Variants in EMCN observed in about 807,000 individuals in gnomAD.
The protein encoded by EMCN is MUC-14.
EMCN carries 37 observed loss-of-function variants against 38.4 expected under a neutral mutation model. The observed-to-expected ratio is 0.96, with a 90% CI of 0.74 to 1.27. The LOEUF is 1.27. EMCN is among the 50% of genes most tolerant of loss of function. The pLI is 0.00. For missense variants in EMCN, 318 were observed against 302.8 expected (o/e 1.05, Z -0.37); for synonymous variants, 95 against 100.8 (o/e 0.94, Z 0.35).
chr4:100,493,572 C>A (rs1193364753), intron 1 of EMCN, among the ~76,000 whole-genome samples: 1 of 152,152 alleles, frequency 6.6e-6, no homozygotes, highest in African/African-American at 2.4e-5. Flanking sequence ...ATTTACCCAT[C>A]TATGCTACTA....
chr4:100,453,258 T>A (rs1432095753), intron 4 of EMCN, among the ~76,000 whole-genome samples: 3 of 152,014 alleles, frequency 2.0e-5, no homozygotes, highest in African/African-American at 4.8e-5. Flanking sequence ...GAGAAAATTT[T>A]TGCAACCTAC....
At chr4:100,445,781 G>A (rs1727653376) in intron 5 of EMCN, among the ~76,000 whole-genome samples, 1 of 152,080 alleles carries the variant, frequency 6.6e-6, no homozygotes, top group African/African-American at 2.4e-5. Context: ...TTTGGGGGAT[G>A]GTGTTTCCTG....
chr4:100,422,818 T>TTTC (rs528645147), intron 7 of EMCN, among the ~76,000 whole-genome samples: 5 of 85,038 alleles, frequency 5.9e-5, no homozygotes, highest in Non-Finnish European at 7.0e-5. Flanking sequence ...TCTTTCTTTC[T>TTTC]TTTCTTTTTT....
At chr4:100,451,428 T>A (rs1309616921) in intron 4 of EMCN, among the ~76,000 whole-genome samples, 1 of 151,678 alleles carries the variant, frequency 6.6e-6, no homozygotes, top group African/African-American at 2.4e-5. Flanking sequence ...ATGGGACAAA[T>A]GAAAAATATA....
chr4:100,493,475 C>A (rs1354075593), intron 1 of EMCN, among the ~76,000 whole-genome samples: 1 of 152,100 alleles, frequency 6.6e-6, no homozygotes, highest in East Asian at 1.9e-4. Context: ...ATGCTCTAGA[C>A]CTTGGGCTAC....
chr4:100,404,039 T>C (rs529493007), intron 11 of EMCN, among the ~76,000 whole-genome samples: 2 of 152,296 alleles, frequency 1.3e-5, no homozygotes, highest in South Asian at 4.1e-4. Context: ...ACTCTGTTGA[T>C]AGTTTCTTAG....
intron 5 of EMCN, among the ~76,000 whole-genome samples, chr4:100,426,544 C>T (rs1727050519): frequency 6.6e-6 from 1 of 152,084 alleles, no homozygotes; most frequent in Non-Finnish European, 1.5e-5. Flanking sequence ...GCATTTTCCC[C>T]TAATAAAATC....
chr4:100,480,125 G>T (rs1560633663), intron 1 of EMCN, 86 bp from the exon 2 acceptor site: 3 of 1,190,470 alleles, frequency 2.5e-6, no homozygotes, highest in African/African-American at 3.2e-5. Context: ...GTACTGGTCA[G>T]TAGAATGTGA....
At chr4:100,431,453 A>G (rs1033366523) in intron 5 of EMCN, among the ~76,000 whole-genome samples, 11 of 152,082 alleles carry the variant, frequency 7.2e-5, no homozygotes, top group African/African-American at 2.7e-4. Flanking sequence ...CTCTCGTCCA[A>G]CCAGTTGAAA....
chr4:100,403,913 A>G (rs1726324871), intron 11 of EMCN, among the ~76,000 whole-genome samples: 1 of 151,890 alleles, frequency 6.6e-6, no homozygotes, highest in South Asian at 2.1e-4. Flanking sequence ...CCATTTTTTA[A>G]TGGGGTTGTT....
chr4:100,401,402 C>A (rs748731208), intron 11 of EMCN, among the ~76,000 whole-genome samples: 1 of 152,046 alleles, frequency 6.6e-6, no homozygotes, highest in Non-Finnish European at 1.5e-5. Flanking sequence ...TGAGAGAATT[C>A]GTGTAGGTTA....
intron 1 of EMCN, among the ~76,000 whole-genome samples, chr4:100,508,563 A>G (rs1260021649): frequency 1.3e-5 from 2 of 152,212 alleles, no homozygotes; most frequent in African/African-American, 4.8e-5. Context: ...TCTGCACAAG[A>G]TTAGGATAAA....
intron 1 of EMCN, among the ~76,000 whole-genome samples, chr4:100,509,620 C>CA (rs1217888448): frequency 1.3e-5 from 2 of 152,068 alleles, no homozygotes; most frequent in Non-Finnish European, 1.5e-5. Context: ...GTTCATACCA[C>CA]AAAAAAGTAT....
intron 3 of EMCN, among the ~76,000 whole-genome samples, chr4:100,468,536 A>C (rs548876283): frequency 6.6e-6 from 1 of 152,138 alleles, no homozygotes; most frequent in Admixed American, 6.5e-5. Context: ...ATGTCTGACC[A>C]CTTTGTCTTA....
At chr4:100,517,563 C>A (rs1002494402) in intron 1 of EMCN, among the ~76,000 whole-genome samples, 5 of 152,046 alleles carry the variant, frequency 3.3e-5, no homozygotes, top group African/African-American at 1.2e-4. Context: ...GCATTCTATT[C>A]CCAGATTTTT....
intron 5 of EMCN, among the ~76,000 whole-genome samples, chr4:100,426,320 G>T (rs760211779): frequency 6.6e-6 from 1 of 152,144 alleles, no homozygotes; most frequent in Non-Finnish European, 1.5e-5. Flanking sequence ...GAGTGGACCT[G>T]CCAGGAATAT....
At chr4:100,416,870 A>G (rs3733436) in intron 9 of EMCN, among the ~76,000 whole-genome samples, 1 of 152,018 alleles carries the variant, frequency 6.6e-6, no homozygotes, top group Non-Finnish European at 1.5e-5. Context: ...ATTTTCCCTC[A>G]TAATTATATT....
chr4:100,431,513 G>A (rs1008312592), intron 5 of EMCN, among the ~76,000 whole-genome samples: 1 of 152,240 alleles, frequency 6.6e-6, no homozygotes, highest in African/African-American at 2.4e-5. Flanking sequence ...CTCTTGAACT[G>A]AGACATTGGT....
chr4:100,480,100 T>C (rs529610333), intron 1 of EMCN, 61 bp from the exon 2 acceptor site: 2 of 1,465,330 alleles, frequency 1.4e-6, no homozygotes, highest in African/African-American at 1.4e-5. Context: ...AATAGACTAG[T>C]ATATTTAAAC....
Sources: gnomAD v4.1 joint callset for allele counts (sites outside exome capture counted in the v4.1 genomes callset) on GRCh38, gnomAD v4.1.1 for gene constraint, MANE v1.5 for transcripts, NCBI Gene and HGNC (gene_info 2026-07-23, HGNC 2026-07-21) for gene names.